The following PRXL2B variants were observed in gnomAD, a reference collection of about 807,000 sequenced individuals.
PRXL2B encodes prostamide/prostaglandin F synthase.
Under a neutral mutation model 24.4 loss-of-function variants are expected in PRXL2B, and 26 were observed. The ratio of observed to expected loss-of-function variants is 1.07; its 90% CI spans 0.78 to 1.48. The LOEUF (loss-of-function observed/expected upper bound fraction) is 1.48. Ranked by LOEUF, PRXL2B falls within the 40% of genes most tolerant of loss-of-function variation. The pLI is 0.00. For synonymous variants in PRXL2B, 115 were observed against 118.9 expected, an observed-to-expected ratio of 0.97 and a Z score of 0.21; for missense variants, 269 against 264.8, an observed-to-expected ratio of 1.02 and a Z score of -0.11.
Position 2,587,806 on chromosome 1 carries a change from G to A in PRXL2B, c.320+14G>A. ...AGGCTTCAAGCGGTGAGTGGGGGCG[G>A]GAACCCTTGGGTAGCGTGGGGTGGG... is the stretch of plus-strand genomic sequence containing the variant. On this transcript the variant is annotated intron_variant, in intron 3 of 6. Transcript: ENST00000419916. The surrounding 1 kb of genome is among the most constrained non-coding windows in gnomAD (Gnocchi z 6.1). 1 of 1,593,494 alleles carries A rather than the reference G, an allele frequency of 6.3e-7. No individual in the cohort carries two copies. The highest frequency in any genetic ancestry group is 8.5e-7 in the Non-Finnish European group (1 of 1,170,488).
Position 2,590,442 on chromosome 1 carries a change from C to A in PRXL2B, c.*1015C>A, listed in dbSNP as rs1266854232. On this transcript the variant is annotated 3_prime_UTR_variant, in exon 7 of 7. Coordinates refer to ENST00000419916, the MANE Select transcript of PRXL2B (RefSeq NM_152371.5). ...GGCTCCCCGCATCTGAATGTGTGGTCCCTGGGGGTGGGCACTTGGGGGCAT... is the reference window on the plus strand; with the variant it reads ...GGCTCCCCGCATCTGAATGTGTGGTACCTGGGGGTGGGCACTTGGGGGCAT... 1 of 152,844 alleles carries A rather than the reference C, an allele frequency of 6.5e-6. No individual in the cohort carries two copies. The highest frequency in any genetic ancestry group is 2.4e-5 in the African/African-American group (1 of 41,458). 9.5% of individuals were successfully genotyped at this position (152,844 alleles called of 1,614,324 possible). A position where few individuals can be genotyped will look rare whatever the true frequency, so the allele number is the denominator to read the frequency against.
At chr1:2,588,771 G>T (rs893939470) in intron 5 of PRXL2B, 146 bp downstream of exon 5, 2 of 1,195,034 alleles carry the variant, frequency 1.7e-6, no homozygotes, top group Admixed American at 3.6e-5. Flanking sequence ...CTGCTGGGCT[G>T]AGTGGGGCTG....
chr1:2,588,435 G>A lies in PRXL2B; in HGVS notation c.366G>A (p.Val122=), dbSNP rs1370671065. 1.2e-6 allele frequency: 2 copies of A among 1,614,194 alleles called. No individual in the cohort carries two copies. The highest frequency in any genetic ancestry group is 1.7e-6 in the Non-Finnish European group (2 of 1,180,040). Reference sequence around the variant, plus strand: ...TCCCAGCAGCTCTGGGGAAGCCCGTGCGTGATGTGGCTGCCAAGGTGTGTG... The same window carrying A: ...TCCCAGCAGCTCTGGGGAAGCCCGTACGTGATGTGGCTGCCAAGGTGTGTG... ...SILPAALGKP[V]RDVAAKAKAV... is the part of the protein sequence containing the mutation. Residue 122 remains valine, a synonymous_variant, in exon 4 of 7, where the codon GTG becomes GTA. Coordinates refer to ENST00000419916, the MANE Select transcript of PRXL2B (RefSeq NM_152371.5).
At chr1:2,588,735 C>T in intron 5 of PRXL2B, 110 bp downstream of exon 5, 1 of 1,314,952 alleles carries the variant, frequency 7.6e-7, no homozygotes, top group Non-Finnish European at 1.1e-6. Flanking sequence ...AGCCCCTCCG[C>T]CGCAATGTGG....
upstream of PRXL2B, chr1:2,586,657 G>T (rs1207972265): frequency 9.2e-7 from 1 of 1,085,658 alleles, no homozygotes; most frequent in Non-Finnish European, 1.2e-6. Flanking sequence ...TCGGGGTGCG[G>T]TCGGGGGCGT....
At chr1:2,586,758 G>A, upstream of PRXL2B, 10 of 1,243,028 alleles carry the variant, frequency 8.0e-6, no homozygotes, top group Non-Finnish European at 1.0e-5. Flanking sequence ...AGAAAGGCGG[G>A]ACCGGGGCAT....
Position 2,591,089 on chromosome 1 carries a change from C to CCTGTGGGTGGGTGGGTGTGA in PRXL2B, c.*1664_*1683dup, listed in dbSNP as rs1243152437. The CCTGTGGGTGGGTGGGTGTGA allele has an allele frequency of 6.3e-7, 1 of 1,576,852 alleles. No homozygotes were observed. Among genetic ancestry groups the CCTGTGGGTGGGTGGGTGTGA allele is most frequent in the Non-Finnish European group, 8.6e-7 (1 of 1,161,944 alleles). Reference sequence around the variant, plus strand: ...CCAGGTTCTGCAGCGACCCCAGTACCCTGTGGGTGGGTGGGTGTGACAGCA... The same window carrying CCTGTGGGTGGGTGGGTGTGA: ...CCAGGTTCTGCAGCGACCCCAGTACCCTGTGGGTGGGTGGGTGTGACTGTGGGTGGGTGGGTGTGACAGCA... On this transcript the variant is annotated 3_prime_UTR_variant, in exon 7 of 7. Coordinates refer to ENST00000419916, the MANE Select transcript of PRXL2B (RefSeq NM_152371.5).
rs912197473 is a variant in PRXL2B at position 2,589,772 on chromosome 1, C to T, written c.*345C>T. On this transcript the variant is annotated 3_prime_UTR_variant, in exon 7 of 7. Coordinates refer to ENST00000419916, the MANE Select transcript of PRXL2B (RefSeq NM_152371.5). ...ACTGGGGATGGTAACCTCACTGCCC[C>T]GTCACTCCCTTCAAAGGCGACAGAC... The T allele has an allele frequency of 1.9e-5, 8 of 419,728 alleles. No individual in the cohort carries two copies. Among genetic ancestry groups the T allele is most frequent in the Admixed American group, 8.2e-5 (2 of 24,282 alleles). The allele number at this position is 419,728 out of a possible 1,614,324, so 26.0% of individuals were successfully genotyped here. A position where few individuals can be genotyped will look rare whatever the true frequency, so the allele number is the denominator to read the frequency against.
Position 2,589,013 on chromosome 1 carries a change from G to A in PRXL2B, c.552G>A (p.Ala184=), listed in dbSNP as rs775892312. ...TCCTGCAGGTCCTGGGCATCTCTGC[G>A]GAGGTCTGTGCCAGCGACCCGCCTC... The part of the protein sequence containing the change: ...EHILQVLGIS[A]EVCASDPPQC... Residue 184 remains alanine, a synonymous_variant, in exon 6 of 7, where the codon GCG becomes GCA. Coordinates refer to ENST00000419916, the MANE Select transcript of PRXL2B (RefSeq NM_152371.5). 20 of 1,613,048 alleles carry A rather than the reference G, an allele frequency of 1.2e-5. No homozygotes were observed. The highest frequency in any genetic ancestry group is 1.6e-4 in the Middle Eastern group (1 of 6,076).
At position 2,588,432 on chromosome 1, in the gene PRXL2B, C is replaced by T. The variant is rs746297976; in HGVS notation, c.363C>T (p.Pro121=). The T allele has an allele frequency of 8.7e-6, 14 of 1,614,106 alleles. No homozygotes were observed. The highest frequency in any genetic ancestry group is 4.0e-5 in the African/African-American group (3 of 75,022). ...LSILPAALGK[P]VRDVAAKAKA... ...TCCTCCCAGCAGCTCTGGGGAAGCC[C>T]GTGCGTGATGTGGCTGCCAAGGTGT... is the stretch of plus-strand genomic sequence containing the variant. The change falls in exon 4 of 7, where the codon CCC becomes CCT. Residue 121 remains proline, a synonymous_variant. Coordinates refer to ENST00000419916, the MANE Select transcript of PRXL2B (RefSeq NM_152371.5).
In PRXL2B at chr1:2,587,133, G is replaced by T. The variant is rs772034526; in HGVS notation, c.106G>T (p.Val36Leu). 5.9e-6 allele frequency: 9 copies of T among 1,536,488 alleles called. No individual in the cohort carries two copies. Among genetic ancestry groups the T allele is most frequent in the South Asian group, 2.4e-5 (2 of 84,130 alleles). Residue 36 changes from valine (V) to leucine (L), a missense_variant, in exon 2 of 7, where the codon GTG (valine) becomes TTG (leucine). By Grantham distance (32) the Val-to-Leu change is conservative. Coordinates refer to ENST00000419916, the MANE Select transcript of PRXL2B (RefSeq NM_152371.5). This position sits in a 1 kb window ranked among gnomAD's most constrained non-coding sequence, Gnocchi z 6.1. ...CCTGTGGCGGGAGCACGCGTGCGTG[G>T]TGGCCGGGCTGCGGCGCTTCGGGTG... Reference protein sequence around the residue: ...RSLWREHACVVAGLRRFGCVV... With the variant: ...RSLWREHACVLAGLRRFGCVV...
Position 2,590,873 on chromosome 1 carries a change from A to C in PRXL2B, c.*1446A>C, listed in dbSNP as rs1570633725. Reference sequence around the variant, plus strand: ...GGCCAGGCGCAGAGGCCTGGCAGGCAGGCTTGGCATGGTTGGCCGGGGCGG... The same window carrying C: ...GGCCAGGCGCAGAGGCCTGGCAGGCCGGCTTGGCATGGTTGGCCGGGGCGG... On this transcript the variant is annotated 3_prime_UTR_variant, in exon 7 of 7. Coordinates refer to ENST00000419916, the MANE Select transcript of PRXL2B (RefSeq NM_152371.5). 1.3e-6 allele frequency: 1 copy of C among 767,822 alleles called. No homozygotes were observed. The highest frequency in any genetic ancestry group is 1.8e-5 in the African/African-American group (1 of 54,824). The allele number at this position is 767,822 out of a possible 1,614,324, so 47.6% of individuals were successfully genotyped here. A position where few individuals can be genotyped will look rare whatever the true frequency, so the allele number is the denominator to read the frequency against.
Position 2,591,065 on chromosome 1 carries a change from C to T in PRXL2B, c.*1638C>T. 6.2e-7 allele frequency: 1 copy of T among 1,604,476 alleles called. No individual in the cohort carries two copies. The highest frequency in any genetic ancestry group is 1.7e-4 in the Middle Eastern group (1 of 5,800). On this transcript the variant is annotated 3_prime_UTR_variant, in exon 7 of 7. Coordinates refer to ENST00000419916, the MANE Select transcript of PRXL2B (RefSeq NM_152371.5). ...AGTGGAACGTGTCTGCGAAGGCGGCCAGGTTCTGCAGCGACCCCAGTACCC... is the reference window on the plus strand; with the variant it reads ...AGTGGAACGTGTCTGCGAAGGCGGCTAGGTTCTGCAGCGACCCCAGTACCC...
chr1:2,587,049 C>T lies in PRXL2B; in HGVS notation c.64-42C>T. 1 of 919,258 alleles carries T rather than the reference C, an allele frequency of 1.1e-6. No individual in the cohort carries two copies. The highest frequency in any genetic ancestry group is 1.4e-6 in the Non-Finnish European group (1 of 711,012). 56.9% of individuals were successfully genotyped at this position (919,258 alleles called of 1,614,324 possible). A position where few individuals can be genotyped will look rare whatever the true frequency, so the allele number is the denominator to read the frequency against. On this transcript the variant is annotated intron_variant, in intron 1 of 6. Coordinates refer to ENST00000419916, the MANE Select transcript of PRXL2B (RefSeq NM_152371.5). The surrounding 1 kb of genome is among the most constrained non-coding windows in gnomAD (Gnocchi z 6.1). Reference sequence around the variant, plus strand: ...TGGGGGCCGCGGGGCCTGGGCGGGGCTGGGGGCAACGGGGCGCGCCCATGA... The same window carrying T: ...TGGGGGCCGCGGGGCCTGGGCGGGGTTGGGGGCAACGGGGCGCGCCCATGA...
At chr1:2,589,301 A>G (rs1207981856) in intron 6 of PRXL2B, 109 bp from the exon 7 acceptor site, 26 of 1,478,064 alleles carry the variant, frequency 1.8e-5, no homozygotes, top group Non-Finnish European at 2.3e-5. Flanking sequence ...GCGGGCAGAG[A>G]GGCGTGTCCT....
rs751727727 is a variant in PRXL2B at position 2,591,007 on chromosome 1, G to A, written c.*1580G>A. 1.5e-5 allele frequency: 24 copies of A among 1,596,164 alleles called. No homozygotes were observed. The highest frequency in any genetic ancestry group is 2.0e-4 in the Middle Eastern group (1 of 5,058). ...GGCCTTGGCTACCACACGCGGCATCGCTCCTTGGGGTGCATGGGGGTGCCC... is the reference window on the plus strand; with the variant it reads ...GGCCTTGGCTACCACACGCGGCATCACTCCTTGGGGTGCATGGGGGTGCCC... On this transcript the variant is annotated 3_prime_UTR_variant, in exon 7 of 7. Transcript: ENST00000419916.
chr1:2,589,129 G>C (rs1234440749), intron 6 of PRXL2B, 89 bp downstream of exon 6: 6 of 1,300,602 alleles, frequency 4.6e-6, no homozygotes, highest in Non-Finnish European at 6.6e-6. Flanking sequence ...TGGGAGCTGA[G>C]CCACAGCGCT....
Position 2,591,378 on chromosome 1 carries a change from C to T in PRXL2B, c.*1951C>T, listed in dbSNP as rs1644700500. 3 of 624,116 alleles carry T rather than the reference C, an allele frequency of 4.8e-6. No individual in the cohort carries two copies. The highest frequency in any genetic ancestry group is 3.7e-5 in the African/African-American group (2 of 54,676). 38.7% of individuals were successfully genotyped at this position (624,116 alleles called of 1,614,324 possible). On this transcript the variant is annotated 3_prime_UTR_variant, in exon 7 of 7. Coordinates refer to ENST00000419916, the MANE Select transcript of PRXL2B (RefSeq NM_152371.5). The stretch of plus-strand genomic sequence containing the variant: ...CTCCCCCTTCCTAAACCCTTAAATG[C>T]CCTTAGTCTGTAAGAGAATGTCCCT...
At chr1:2,588,702 C>G in intron 5 of PRXL2B, 77 bp downstream of exon 5, 1 of 1,503,636 alleles carries the variant, frequency 6.7e-7, no homozygotes, top group Non-Finnish European at 9.1e-7. Flanking sequence ...CAGGCCCTCT[C>G]TCTGGCTTGT....
Sources: gnomAD v4.1 joint callset for allele counts on GRCh38, gnomAD v4.1.1 for gene constraint, Gnocchi (gnomAD v3.1) non-coding constraint, MANE v1.5 for transcripts, NCBI Gene and HGNC (gene_info 2026-07-23, HGNC 2026-07-21) for gene names.